PCSK5: variants seen among roughly 807,000 people sequenced by gnomAD.
The protein encoded by PCSK5 is proprotein convertase subtilisin/kexin type 5, also known as prohormone convertase 5.
Under a neutral mutation model 233.2 loss-of-function variants are expected in PCSK5, and 129 were observed. That is an observed-to-expected ratio of 0.55 (90% CI 0.48 to 0.64). The LOEUF (loss-of-function observed/expected upper bound fraction) is 0.64. Ranked by LOEUF, PCSK5 falls within the 30% of genes least tolerant of loss-of-function variation. The pLI, the probability that PCSK5 is intolerant of heterozygous loss-of-function variation, is 0.00. For synonymous variants in PCSK5, 825 were observed against 879.2 expected (o/e 0.94, Z 1.09); for missense variants, 2,076 against 2,430.1 (o/e 0.85, Z 3.06).
chr9:76,296,632 G>GC (rs1564163901), intron 26 of PCSK5, 33 bp from the exon 27 acceptor site: 1 of 1,465,458 alleles, frequency 6.8e-7, no homozygotes, highest in South Asian at 1.1e-5. Context: ...GATCACTAAA[G>GC]CCTTCATGCT....
At chr9:76,350,103 C>A (rs1830078300) in intron 35 of PCSK5, among the ~76,000 whole-genome samples, 1 of 86,408 alleles carries the variant, frequency 1.2e-5, no homozygotes, top group East Asian at 3.8e-4. Flanking sequence ...CATAGCAAGA[C>A]CCCATCTGAA....
At chr9:76,236,313 C>CCA (rs1826251780) in intron 22 of PCSK5, among the ~76,000 whole-genome samples, 1 of 152,134 alleles carries the variant, frequency 6.6e-6, no homozygotes, top group Non-Finnish European at 1.5e-5. Flanking sequence ...TCATGCTGGT[C>CCA]CACTTTCTCA....
chr9:75,998,095 T>C (rs951681313), intron 3 of PCSK5, among the ~76,000 whole-genome samples: 1 of 152,202 alleles, frequency 6.6e-6, no homozygotes, highest in Non-Finnish European at 1.5e-5. Context: ...TTAGTTAAAT[T>C]AGTGCCTTTA....
intron 2 of PCSK5, among the ~76,000 whole-genome samples, chr9:75,946,658 C>T (rs542616481): frequency 2.6e-5 from 4 of 152,094 alleles, no homozygotes; most frequent in Non-Finnish European, 4.4e-5. Context: ...GCGCAATCTC[C>T]GCTCACTTCA....
intron 24 of PCSK5, among the ~76,000 whole-genome samples, chr9:76,272,770 T>A (rs1827558678): frequency 5.4e-5 from 1 of 18,378 alleles, no homozygotes. Context: ...TGAGACTCCA[T>A]CTCAAAAAAA....
chr9:76,027,195 G>GA (rs145465888), intron 5 of PCSK5, among the ~76,000 whole-genome samples, 158 bp downstream of exon 5: 6 of 152,028 alleles, frequency 3.9e-5, no homozygotes, highest in African/African-American at 1.4e-4. Context: ...CTCTGAGTAA[G>GA]AAAAAAGGGG....
At position 76,249,142 on chromosome 9, in the gene PCSK5, C is replaced by T. The variant is rs139982201; in HGVS notation, c.3142+8458C>T. Among the ~76,000 whole-genome samples, 412 of 152,226 alleles carry T rather than the reference C, an allele frequency of 2.7e-3. 2 individuals are homozygous for T. The highest frequency in any genetic ancestry group is 9.5e-3 in the African/African-American group (396 of 41,548). On this transcript the variant is annotated intron_variant, in intron 24 of 37. Coordinates refer to ENST00000674117, the MANE Select transcript of PCSK5 (RefSeq NM_001372043.1). Reference sequence around the variant, plus strand: ...AATTATGCTTCCATGAAACACTTGTCGATGTTTCAGACAGTTTTGATTGTC... The same window carrying T: ...AATTATGCTTCCATGAAACACTTGTTGATGTTTCAGACAGTTTTGATTGTC...
chr9:76,152,862 A>G (rs560336077), intron 10 of PCSK5, among the ~76,000 whole-genome samples: 1 of 152,318 alleles, frequency 6.6e-6, no homozygotes, highest in South Asian at 2.1e-4. Flanking sequence ...CAAACTATGC[A>G]ATTACCTACT....
At chr9:76,192,495 C>A (rs1234980005) in intron 20 of PCSK5, among the ~76,000 whole-genome samples, 4 of 152,160 alleles carry the variant, frequency 2.6e-5, no homozygotes, top group South Asian at 2.1e-4. Flanking sequence ...CAGTTTACAA[C>A]TGCTTTTGAC....
Position 76,121,825 on chromosome 9 carries a change from T to TATTAGTG in PCSK5, c.1209-12284_1209-12283insATTAGTG, listed in dbSNP as rs1454235010. 2.1e-3 allele frequency among the ~76,000 whole-genome samples: 90 copies of TATTAGTG among 42,212 alleles called. 2 individuals are homozygous for TATTAGTG. Among genetic ancestry groups the TATTAGTG allele is most frequent in the South Asian group, 4.2e-3 (5 of 1,188 alleles). 27.7% of individuals were successfully genotyped at this position (42,212 alleles called of 152,430 possible). On this transcript the variant is annotated intron_variant, in intron 9 of 37. Coordinates refer to ENST00000674117, the MANE Select transcript of PCSK5 (RefSeq NM_001372043.1). ...CATCTCTTGTATTGGTTTTTTTTTTTTTTTTTTTTTTTTTTTGAGACGGAG... is the reference window on the plus strand; with the variant it reads ...CATCTCTTGTATTGGTTTTTTTTTTTATTAGTGTTTTTTTTTTTTTTTTGAGACGGAG...
intron 16 of PCSK5, among the ~76,000 whole-genome samples, chr9:76,182,604 C>G (rs773434900): frequency 6.6e-6 from 1 of 151,200 alleles, no homozygotes; most frequent in Admixed American, 6.6e-5. Context: ...AGAGTTTGGG[C>G]CCTAATCAGC....
intron 1 of PCSK5, among the ~76,000 whole-genome samples, chr9:75,926,933 G>A (rs772132067): frequency 6.6e-6 from 1 of 152,074 alleles, no homozygotes; most frequent in East Asian, 1.9e-4. Flanking sequence ...TTCTGTGAAC[G>A]TTTATGAGTT....
intron 9 of PCSK5, among the ~76,000 whole-genome samples, 189 bp from the exon 10 acceptor site, chr9:76,133,920 C>CTAA (rs1822864621): frequency 6.6e-6 from 1 of 152,082 alleles, no homozygotes; most frequent in Admixed American, 6.6e-5. Flanking sequence ...CTCCCACAGA[C>CTAA]TAATGTCACT....
intron 10 of PCSK5, among the ~76,000 whole-genome samples, chr9:76,144,693 G>C (rs1186667001): frequency 1.3e-5 from 2 of 152,206 alleles, no homozygotes; most frequent in African/African-American, 4.8e-5. Flanking sequence ...AGCTAACAAA[G>C]GCACAGGTAT....
At chr9:76,234,039 C>A (rs564062784) in intron 22 of PCSK5, among the ~76,000 whole-genome samples, 83 of 152,140 alleles carry the variant, frequency 5.5e-4, no homozygotes, top group African/African-American at 2.0e-3. Flanking sequence ...ACAAATGTGA[C>A]CTTTTGTGTC....
chr9:76,185,222 A>G (rs915176309), intron 17 of PCSK5, among the ~76,000 whole-genome samples: 1 of 152,198 alleles, frequency 6.6e-6, no homozygotes, highest in East Asian at 1.9e-4. Context: ...CCATTATGCT[A>G]TGGTATGCAC....
chr9:76,240,412 C>T (rs1347115523), intron 23 of PCSK5, among the ~76,000 whole-genome samples: 1 of 152,106 alleles, frequency 6.6e-6, no homozygotes, highest in Non-Finnish European at 1.5e-5. Flanking sequence ...CTCTTTGTAC[C>T]CAATCAAGCT....
intron 5 of PCSK5, among the ~76,000 whole-genome samples, chr9:76,056,395 C>T (rs1294031793): frequency 1.1e-4 from 17 of 152,086 alleles, no homozygotes; most frequent in Admixed American, 6.6e-5. Flanking sequence ...TTCTCAAAGC[C>T]GTGTGAGGAG....
intron 1 of PCSK5, among the ~76,000 whole-genome samples, chr9:75,918,395 G>A (rs1055045197): frequency 3.0e-4 from 45 of 152,288 alleles, no homozygotes; most frequent in Non-Finnish European, 4.7e-4. Flanking sequence ...GCTCATTAAC[G>A]TGCATTTCTG....
Sources: allele counts gnomAD v4.1 joint callset (sites outside exome capture counted in the v4.1 genomes callset), GRCh38; gene constraint gnomAD v4.1.1; transcripts MANE v1.5; gene names NCBI Gene and HGNC (gene_info 2026-07-23, HGNC 2026-07-21).